NCAM2: variants seen among roughly 807,000 people sequenced by gnomAD.
NCAM2 encodes N-CAM-2.
Under a neutral mutation model 98.1 loss-of-function variants are expected in NCAM2, and 30 were observed. The ratio of observed to expected loss-of-function variants is 0.31; its 90% CI spans 0.23 to 0.41. The LOEUF (loss-of-function observed/expected upper bound fraction) is 0.41, where lower values mean the gene tolerates loss of function less well. Ranked by LOEUF, NCAM2 falls within the 10% of genes least tolerant of loss-of-function variation. The pLI, the probability that NCAM2 is intolerant of heterozygous loss-of-function variation, is 1.00. For missense variants in NCAM2, 867 were observed against 1,005.8 expected (o/e 0.86, Z 1.87); for synonymous variants, 368 against 342.4 (o/e 1.07, Z -0.83).
At chr21:21,359,005 T>C (rs1202619372) in intron 8 of NCAM2, among the ~76,000 whole-genome samples, 1 of 152,052 alleles carries the variant, frequency 6.6e-6, no homozygotes, top group Non-Finnish European at 1.5e-5. Flanking sequence ...TTGGATAATG[T>C]CTTTAAATTG....
intron 1 of NCAM2, among the ~76,000 whole-genome samples, chr21:21,096,676 G>A (rs956699369): frequency 5.3e-5 from 8 of 151,516 alleles, no homozygotes; most frequent in South Asian, 2.1e-4. Context: ...TCTAAGTTTG[G>A]ATCAGCTTCC....
At chr21:21,356,234 G>C (rs1474695602) in intron 8 of NCAM2, among the ~76,000 whole-genome samples, 3 of 151,776 alleles carry the variant, frequency 2.0e-5, no homozygotes, top group African/African-American at 7.3e-5. Flanking sequence ...TTACAACACT[G>C]CTGCATTCAT....
intron 8 of NCAM2, among the ~76,000 whole-genome samples, chr21:21,353,078 A>G (rs6518101): frequency 0.02 from 3,097 of 152,090 alleles, 86 homozygotes; most frequent in African/African-American, 0.071. Context: ...GCCAGGCTGG[A>G]AAGTGTTATT....
At chr21:21,535,901 C>T (rs1341322977) in intron 17 of NCAM2, among the ~76,000 whole-genome samples, 1 of 151,706 alleles carries the variant, frequency 6.6e-6, no homozygotes, top group Non-Finnish European at 1.5e-5. Flanking sequence ...AATTCTATAC[C>T]CAGAAACAAA....
At chr21:21,451,162 A>G (rs577700222) in intron 12 of NCAM2, among the ~76,000 whole-genome samples, 1 of 152,200 alleles carries the variant, frequency 6.6e-6, no homozygotes, top group African/African-American at 2.4e-5. Flanking sequence ...GGGCCTGTTT[A>G]CCGTTCATTT....
At chr21:21,387,187 TAC>T (rs61585220) in intron 9 of NCAM2, among the ~76,000 whole-genome samples, 6,325 of 121,086 alleles carry the variant, frequency 0.052, 140 homozygotes, top group Middle Eastern at 0.11. Flanking sequence ...CACACACACA[TAC>T]ACACACACAC....
chr21:21,013,281 CA>C (rs1035031135), intron 1 of NCAM2, among the ~76,000 whole-genome samples: 5 of 152,170 alleles, frequency 3.3e-5, no homozygotes, highest in Non-Finnish European at 5.9e-5. Context: ...AGTGAATACA[CA>C]AATAAGAAAG....
chr21:21,308,108 T>C (rs982905423), intron 5 of NCAM2, among the ~76,000 whole-genome samples: 1 of 151,624 alleles, frequency 6.6e-6, no homozygotes, highest in South Asian at 2.1e-4. Flanking sequence ...ATGTATAGAT[T>C]CAAACTTCCA....
chr21:21,226,609 A>G (rs1410036934), intron 1 of NCAM2: 1 of 152,138 alleles, frequency 6.6e-6, no homozygotes, highest in African/African-American at 2.4e-5. Context: ...AAAAGTAGCA[A>G]GAAAGCCAAC....
chr21:21,206,618 A>G (rs1601644354), intron 1 of NCAM2, among the ~76,000 whole-genome samples: 1 of 151,638 alleles, frequency 6.6e-6, no homozygotes, highest in Admixed American at 6.6e-5. Flanking sequence ...GTTTGTTTTT[A>G]TGGCTTTAGG....
intron 1 of NCAM2, among the ~76,000 whole-genome samples, chr21:21,064,211 C>CT (rs1444931124): frequency 9.9e-5 from 15 of 152,182 alleles, no homozygotes; most frequent in African/African-American, 3.4e-4. Flanking sequence ...ATGCCAGCCA[C>CT]TGAGGGCGTG....
At chr21:21,230,387 T>C (rs964310390) in intron 1 of NCAM2, among the ~76,000 whole-genome samples, 3 of 151,252 alleles carry the variant, frequency 2.0e-5, no homozygotes, top group African/African-American at 4.8e-5. Flanking sequence ...AAGATAAAAA[T>C]TGGCCACGCT....
intron 1 of NCAM2, among the ~76,000 whole-genome samples, chr21:21,238,996 A>G (rs906915138): frequency 1.3e-5 from 2 of 152,186 alleles, no homozygotes; most frequent in Admixed American, 1.3e-4. Context: ...TTAGATTCCC[A>G]ATTTCCTTCA....
At chr21:21,244,482 T>G (rs1264323201) in intron 1 of NCAM2, among the ~76,000 whole-genome samples, 1 of 152,186 alleles carries the variant, frequency 6.6e-6, no homozygotes, top group Admixed American at 6.5e-5. Flanking sequence ...AAAAATTACC[T>G]TAAATAATTT....
At chr21:21,118,036 G>A (rs919443162) in intron 1 of NCAM2, among the ~76,000 whole-genome samples, 4 of 152,086 alleles carry the variant, frequency 2.6e-5, no homozygotes, top group Admixed American at 2.6e-4. Context: ...AATCCTAATG[G>A]AAAATCTCTT....
chr21:21,186,222 T>C (rs917527139), intron 1 of NCAM2, among the ~76,000 whole-genome samples: 1 of 152,188 alleles, frequency 6.6e-6, no homozygotes, highest in African/African-American at 2.4e-5. Flanking sequence ...AGGGTAATAG[T>C]TTTTTGTGTA....
intron 1 of NCAM2, among the ~76,000 whole-genome samples, chr21:21,239,058 G>A (rs912649877): frequency 2.0e-4 from 30 of 152,060 alleles, no homozygotes; most frequent in African/African-American, 5.3e-4. Context: ...TAAACGGGGG[G>A]TGGGGTTGAC....
At chr21:21,307,467 G>A (rs1474610325) in intron 5 of NCAM2, among the ~76,000 whole-genome samples, 1 of 152,156 alleles carries the variant, frequency 6.6e-6, no homozygotes, top group Non-Finnish European at 1.5e-5. Context: ...CAAAACAGCA[G>A]AAATTAATAA....
chr21:21,524,296 T>C (rs975914634), intron 16 of NCAM2, among the ~76,000 whole-genome samples: 1 of 152,084 alleles, frequency 6.6e-6, no homozygotes, highest in South Asian at 2.1e-4. Flanking sequence ...TTAACATGTA[T>C]ATGTTTAACA....
Sources: allele counts gnomAD v4.1 joint callset (sites outside exome capture counted in the v4.1 genomes callset), GRCh38; gene constraint gnomAD v4.1.1; transcripts MANE v1.5; gene names NCBI Gene and HGNC (gene_info 2026-07-23, HGNC 2026-07-21).